The following CTNNA3 variants were observed in gnomAD, a reference collection of about 807,000 sequenced individuals.
CTNNA3 encodes catenin alpha-3.
A neutral mutation model predicts 95.7 loss-of-function variants in CTNNA3; 76 were observed. That is an observed-to-expected ratio of 0.79 (90% confidence interval 0.66 to 0.96). The LOEUF (loss-of-function observed/expected upper bound fraction) is 0.96, where lower values mean the gene tolerates loss of function less well. CTNNA3 is among the 40% of genes least tolerant of loss of function. The pLI, the probability that CTNNA3 is intolerant of heterozygous loss-of-function variation, is 0.00. For missense variants in CTNNA3, 1,191 were observed against 1,089.8 expected (o/e 1.09, Z -1.31); for synonymous variants, 431 against 374.4 (o/e 1.15, Z -1.74).
chr10:67,412,685 A>G (rs1052365916), intron 5 of CTNNA3, among the ~76,000 whole-genome samples: 1 of 152,122 alleles, frequency 6.6e-6, no homozygotes, highest in Non-Finnish European at 1.5e-5. Context: ...AAGCCAGAAG[A>G]GATTAGGGGC....
At chr10:66,868,525 G>A (rs1378951525) in intron 7 of CTNNA3, among the ~76,000 whole-genome samples, 1 of 151,852 alleles carries the variant, frequency 6.6e-6, no homozygotes, top group African/African-American at 2.4e-5. Flanking sequence ...GTCCGAGGCA[G>A]GTGGATCACT....
At chr10:66,851,179 A>G (rs1366795544) in intron 7 of CTNNA3, among the ~76,000 whole-genome samples, 2 of 152,052 alleles carry the variant, frequency 1.3e-5, no homozygotes, top group African/African-American at 4.8e-5. Context: ...AGGCTCATCC[A>G]TTCACTGTTC....
intron 7 of CTNNA3, among the ~76,000 whole-genome samples, chr10:66,909,784 G>C (rs762173639): frequency 6.6e-5 from 10 of 152,132 alleles, no homozygotes; most frequent in African/African-American, 2.2e-4. Flanking sequence ...ACAGATTTGT[G>C]AATCAACTAC....
At chr10:66,942,441 A>T (rs1242640217) in intron 7 of CTNNA3, among the ~76,000 whole-genome samples, 1 of 152,126 alleles carries the variant, frequency 6.6e-6, no homozygotes, top group Non-Finnish European at 1.5e-5. Flanking sequence ...TTCTGTTGTT[A>T]GTATTGTGTT....
chr10:66,694,492 T>G (rs190368293), intron 9 of CTNNA3, among the ~76,000 whole-genome samples: 1 of 151,764 alleles, frequency 6.6e-6, no homozygotes, highest in African/African-American at 2.4e-5. Context: ...CCAAAAAGAG[T>G]CCAGGACCAG....
chr10:67,431,931 A>G (rs1846123741), intron 5 of CTNNA3, among the ~76,000 whole-genome samples: 1 of 151,930 alleles, frequency 6.6e-6, no homozygotes, highest in Non-Finnish European at 1.5e-5. Flanking sequence ...CAGTTATGGC[A>G]CCACTACTCT....
chr10:66,679,411 A>G (rs1405068986), intron 9 of CTNNA3, among the ~76,000 whole-genome samples: 1 of 152,222 alleles, frequency 6.6e-6, no homozygotes, highest in Non-Finnish European at 1.5e-5. Context: ...TCAGATTTAA[A>G]TAAGTTAAAT....
chr10:66,547,405 C>CATTCTTGGCTCACTGCA (rs1403213529), intron 10 of CTNNA3, among the ~76,000 whole-genome samples: 14 of 130,146 alleles, frequency 1.1e-4, no homozygotes, highest in African/African-American at 4.1e-4. Flanking sequence ...TCCAGTGGCC[C>CATTCTTGGCTCACTGCA]ATTCTTGGCT....
intron 1 of CTNNA3, among the ~76,000 whole-genome samples, chr10:67,685,553 G>A (rs1196073914): frequency 6.6e-6 from 1 of 152,178 alleles, no homozygotes; most frequent in African/African-American, 2.4e-5. Flanking sequence ...TAGGAAACTT[G>A]CTGTGTTAAG....
chr10:67,217,047 C>A (rs550692466), intron 6 of CTNNA3, among the ~76,000 whole-genome samples: 1 of 152,250 alleles, frequency 6.6e-6, no homozygotes, highest in Non-Finnish European at 1.5e-5. Flanking sequence ...CACACCCAGC[C>A]AAGGGCCAGA....
intron 5 of CTNNA3, among the ~76,000 whole-genome samples, chr10:67,302,030 A>C (rs374814727): frequency 0.061 from 3,543 of 58,212 alleles, 667 homozygotes; most frequent in African/African-American, 0.22. Flanking sequence ...AAAGAAAGAA[A>C]GAAAGAAAGA....
chr10:66,153,145 T>C (rs1296673002), intron 13 of CTNNA3, among the ~76,000 whole-genome samples: 3 of 151,984 alleles, frequency 2.0e-5, no homozygotes, highest in Non-Finnish European at 4.4e-5. Flanking sequence ...TTCAGTATGT[T>C]TCAGTTTTAT....
rs563654413 is a variant in CTNNA3, at chr10:66,411,862, AG to A, written c.1532-32511del. Among the ~76,000 whole-genome samples the A allele has an allele frequency of 1.2e-4, 19 of 152,294 alleles. 1 individual carries two copies. The East Asian group carries it at 3.5e-3, about 28-fold the overall frequency. On this transcript the variant is annotated intron_variant, in intron 11 of 17. Transcript: ENST00000433211. The stretch of plus-strand genomic sequence containing the variant: ...CAGGAAACACACCCAAAAGGAAATG[AG>A]GAAGGAATTGTGCAAAAAGAGAAGG...
intron 13 of CTNNA3, among the ~76,000 whole-genome samples, chr10:66,110,543 C>T (rs548080119): frequency 6.6e-6 from 1 of 151,982 alleles, no homozygotes; most frequent in Non-Finnish European, 1.5e-5. Context: ...CAGTGAAATA[C>T]TATTTAGCCT....
chr10:66,431,669 T>C (rs903405100), intron 11 of CTNNA3, among the ~76,000 whole-genome samples: 4 of 148,514 alleles, frequency 2.7e-5, no homozygotes, highest in South Asian at 2.1e-4. Flanking sequence ...ACACCGCATT[T>C]TCTCACTCAC....
At chr10:66,926,219 G>GA (rs1847062655) in intron 7 of CTNNA3, 1 of 450,822 alleles carries the variant, frequency 2.2e-6, no homozygotes, top group Non-Finnish European at 4.3e-6. Flanking sequence ...TTGCCTGGAA[G>GA]AATACATCAT....
intron 7 of CTNNA3, among the ~76,000 whole-genome samples, chr10:66,883,765 T>C (rs1284003248): frequency 6.6e-6 from 1 of 152,138 alleles, no homozygotes; most frequent in Non-Finnish European, 1.5e-5. Flanking sequence ...CTACTCCTAA[T>C]TATTTTAGTT....
At chr10:66,504,028 C>T (rs1452229783) in intron 11 of CTNNA3, among the ~76,000 whole-genome samples, 5 of 151,934 alleles carry the variant, frequency 3.3e-5, no homozygotes, top group Non-Finnish European at 7.4e-5. Flanking sequence ...ACATATACAT[C>T]ACCTCACATA....
At chr10:67,293,772 T>G (rs1839928091) in intron 5 of CTNNA3, among the ~76,000 whole-genome samples, 3 of 150,582 alleles carry the variant, frequency 2.0e-5, no homozygotes, top group Admixed American at 1.3e-4. Flanking sequence ...CGGTGTTTGG[T>G]TTTTTGTCCT....
Sources: gnomAD v4.1 joint callset for allele counts (sites outside exome capture counted in the v4.1 genomes callset) on GRCh38, gnomAD v4.1.1 for gene constraint, MANE v1.5 for transcripts, NCBI Gene and HGNC (gene_info 2026-07-23, HGNC 2026-07-21) for gene names.